CUBN: variants seen among roughly 807,000 people sequenced by gnomAD.
CUBN encodes the protein cubilin.
A neutral mutation model predicts 405.3 loss-of-function variants in CUBN; 282 were observed. The observed-to-expected ratio is 0.70, with a 90% CI of 0.63 to 0.77. The LOEUF (loss-of-function observed/expected upper bound fraction) is 0.77, where lower values mean the gene tolerates loss of function less well. Among genes scored for constraint, CUBN ranks in the 30% least tolerant of loss-of-function variants. The pLI is 0.00. For missense variants in CUBN, 4,514 were observed against 4,475.2 expected (o/e 1.01, Z -0.25); for synonymous variants, 1,684 against 1,617.0 (o/e 1.04, Z -0.99).
chr10:16,852,515 C>T (rs535941220), intron 59 of CUBN, among the ~76,000 whole-genome samples: 42 of 143,732 alleles, frequency 2.9e-4, no homozygotes, highest in Non-Finnish European at 3.1e-4. Context: ...GTCTATCTTT[C>T]CCTTCCTCAC....
intron 6 of CUBN, 133 bp downstream of exon 6, chr10:17,122,662 A>T: frequency 1.4e-6 from 1 of 692,416 alleles, no homozygotes; most frequent in South Asian, 1.6e-5. Context: ...GTTAAGCAAG[A>T]GCTAAATATT....
intron 15 of CUBN, among the ~76,000 whole-genome samples, chr10:17,087,569 G>A (rs541845486): frequency 2.2e-5 from 3 of 137,756 alleles, no homozygotes; most frequent in Admixed American, 8.3e-5. Flanking sequence ...TCCGCCTCCC[G>A]GGTCCAAACG....
chr10:16,910,794 T>C (rs558728500), intron 48 of CUBN, among the ~76,000 whole-genome samples: 1 of 151,408 alleles, frequency 6.6e-6, no homozygotes, highest in East Asian at 1.9e-4. Context: ...ACATATAAAA[T>C]ATTTAAATAT....
intron 54 of CUBN, among the ~76,000 whole-genome samples, chr10:16,897,089 T>C (rs1280023898): frequency 6.6e-6 from 1 of 152,236 alleles, no homozygotes; most frequent in Non-Finnish European, 1.5e-5. Context: ...TGTTGAAGCA[T>C]GTTAATGGAA....
rs201758671 is a variant in CUBN, at chr10:16,851,448, A to G, written c.9455-5T>C. The G allele has an allele frequency of 5.0e-6, 8 of 1,613,872 alleles. No individual in the cohort carries two copies. Among genetic ancestry groups the G allele is most frequent in the Non-Finnish European group, 6.8e-6 (8 of 1,179,878 alleles). On this transcript the variant is annotated splice_polypyrimidine_tract_variant and splice_region_variant and intron_variant, in intron 59 of 66. Coordinates refer to ENST00000377833, the MANE Select transcript of CUBN (RefSeq NM_001081.4). ...CACCACATCCTTGCTGAGGCCCTGC[A>G]TTAAAACAAAGACATCACTATGCAG...
chr10:16,897,291 G>C (rs1320153779), intron 54 of CUBN, among the ~76,000 whole-genome samples: 2 of 143,738 alleles, frequency 1.4e-5, no homozygotes, highest in Non-Finnish European at 3.0e-5. Context: ...TATTTTAGCA[G>C]GCTGTCACCC....
In CUBN at chr10:16,933,303, C is replaced by T. The variant is rs140704243; in HGVS notation, c.5927-19G>A. 1.1e-4 allele frequency: 180 copies of T among 1,610,218 alleles called. No individual in the cohort carries two copies. In the Middle Eastern group the frequency reaches 1.2e-3, roughly 11 times the overall value. ...CAAGCACCTGTAGAATAGAAAGCAA[C>T]ATCTTTGACACAGCCCTAATGGAAA... On this transcript the variant is annotated intron_variant, in intron 39 of 66. Coordinates refer to ENST00000377833, the MANE Select transcript of CUBN (RefSeq NM_001081.4).
intron 58 of CUBN, among the ~76,000 whole-genome samples, 191 bp from the exon 59 acceptor site, chr10:16,870,044 G>C (rs1554785338): frequency 6.6e-6 from 1 of 152,136 alleles, no homozygotes; most frequent in Non-Finnish European, 1.5e-5. Flanking sequence ...TTTGTTTTTA[G>C]TAATTACAAT....
At chr10:17,063,181 G>A (rs1477927203) in intron 22 of CUBN, among the ~76,000 whole-genome samples, 2 of 152,164 alleles carry the variant, frequency 1.3e-5, no homozygotes, top group Non-Finnish European at 2.9e-5. Context: ...CTTGATCTAT[G>A]GGAAACTGTG....
intron 27 of CUBN, among the ~76,000 whole-genome samples, chr10:17,027,783 C>G (rs1043919922): frequency 5.3e-5 from 8 of 152,116 alleles, no homozygotes; most frequent in Non-Finnish European, 8.8e-5. Flanking sequence ...TGAAATGTTA[C>G]CATGTAAGGT....
Position 17,071,509 on chromosome 10 carries a change from G to C in CUBN, c.2542C>G (p.Gln848Glu). The C allele has an allele frequency of 3.1e-6, 5 of 1,613,980 alleles. No individual in the cohort carries two copies. The highest frequency in any genetic ancestry group is 4.2e-6 in the Non-Finnish European group (5 of 1,179,940). ...AGGAGAATGACTTGGCTTTGGGGCT[G>C]GTGGATGGTCCACCTACAGGTTCTT... ...GERTCRWTIHQPQSQVILLNF... is the reference protein window; with the variant it reads ...GERTCRWTIHEPQSQVILLNF... Residue 848 changes from glutamine (Q) to glutamate (E), a missense_variant, in exon 19 of 67, where the codon CAG (glutamine) becomes GAG (glutamate). Gln to Glu is a conservative substitution (Grantham distance 29, BLOSUM62 2). This residue lies in a region of CUBN where 1,448 missense variants were observed against 1,388.0 expected (regional missense o/e 1.04). Transcript: ENST00000377833.
chr10:17,060,393 T>A (rs1189760202), intron 22 of CUBN, among the ~76,000 whole-genome samples: 1 of 152,170 alleles, frequency 6.6e-6, no homozygotes, highest in Non-Finnish European at 1.5e-5. Context: ...AGTGCTGGGA[T>A]TACAGGCATA....
At chr10:17,045,326 T>C (rs1452953124) in intron 24 of CUBN, 138 bp from the exon 25 acceptor site, 1 of 825,992 alleles carries the variant, frequency 1.2e-6, no homozygotes, top group Non-Finnish European at 1.9e-6. Context: ...GAAAGAGTAG[T>C]TATAGCCTAA....
chr10:17,061,070 A>T (rs1010188089), intron 22 of CUBN, among the ~76,000 whole-genome samples: 3 of 151,206 alleles, frequency 2.0e-5, no homozygotes, highest in Non-Finnish European at 4.4e-5. Flanking sequence ...CCAACAAACA[A>T]CAAAAACAAC....
intron 6 of CUBN, among the ~76,000 whole-genome samples, chr10:17,121,014 T>C (rs1010510575): frequency 2.4e-4 from 37 of 152,144 alleles, no homozygotes; most frequent in African/African-American, 8.7e-4. Context: ...AGATAATGGG[T>C]TCACGGAAAT....
intron 27 of CUBN, among the ~76,000 whole-genome samples, chr10:17,029,520 C>A (rs1008811921): frequency 6.6e-6 from 1 of 152,190 alleles, no homozygotes; most frequent in African/African-American, 2.4e-5. Flanking sequence ...ATGCTTAGTA[C>A]GGTGCTAGAC....
chr10:17,050,739 C>T (rs1043325122), intron 22 of CUBN, among the ~76,000 whole-genome samples: 8 of 152,100 alleles, frequency 5.3e-5, no homozygotes, highest in African/African-American at 1.7e-4. Flanking sequence ...AAGACCATGG[C>T]CAAGAGTAGG....
chr10:17,126,262 T>A (rs770561971), intron 4 of CUBN, among the ~76,000 whole-genome samples: 31 of 152,224 alleles, frequency 2.0e-4, no homozygotes, highest in Non-Finnish European at 4.6e-4. Context: ...CATAGATCAG[T>A]CTACAAGCAT....
At position 17,002,711 on chromosome 10, in the gene CUBN, G is replaced by A. The variant is rs571730538; in HGVS notation, c.4169-12196C>T. ...TCTGCATATGCACAGCTTTAATGCT[G>A]CCTCTGATCATTGGGACCTTGCTGG... On this transcript the variant is annotated intron_variant, in intron 28 of 66. Transcript: ENST00000377833. 3.3e-5 allele frequency among the ~76,000 whole-genome samples: 5 copies of A among 152,302 alleles called. No individual in the cohort carries two copies. The South Asian group carries it at 6.2e-4, about 19-fold the overall frequency.
Sources: gnomAD v4.1 joint callset for allele counts (sites outside exome capture counted in the v4.1 genomes callset) on GRCh38, gnomAD v4.1.1 for gene constraint, gnomAD v4.1.1 regional missense constraint, MANE v1.5 for transcripts, NCBI Gene and HGNC (gene_info 2026-07-23, HGNC 2026-07-21) for gene names.